TSNARE1: variants seen among roughly 807,000 people sequenced by gnomAD.
The protein encoded by TSNARE1 is t-SNARE domain-containing protein 1.
TSNARE1 carries 49 observed loss-of-function variants against 62.0 expected under a neutral mutation model. That is an observed-to-expected ratio of 0.79 (90% CI 0.63 to 1.00). The LOEUF (loss-of-function observed/expected upper bound fraction) is 1.00. Among genes scored for constraint, TSNARE1 ranks in the 50% least tolerant of loss-of-function variants. The pLI, the probability that TSNARE1 is intolerant of heterozygous loss-of-function variation, is 0.00. For missense variants in TSNARE1, 755 were observed against 700.1 expected (o/e 1.08, Z -0.88); for synonymous variants, 328 against 294.4 (o/e 1.11, Z -1.17).
At chr8:142,250,267 T>A (rs1235802265) in intron 12 of TSNARE1, among the ~76,000 whole-genome samples, 3 of 151,970 alleles carry the variant, frequency 2.0e-5, no homozygotes, top group Non-Finnish European at 4.4e-5. Flanking sequence ...AAATGCAAAT[T>A]TGGGGGACAT....
intron 12 of TSNARE1, among the ~76,000 whole-genome samples, chr8:142,234,470 TG>T (rs1817298967): frequency 7.1e-6 from 1 of 140,264 alleles, no homozygotes; most frequent in Admixed American, 7.0e-5. Context: ...ACCCCAACCA[TG>T]GGTTCAGGGA....
At chr8:142,314,956 G>C in intron 8 of TSNARE1, 47 bp downstream of exon 8, 1 of 1,590,488 alleles carries the variant, frequency 6.3e-7, no homozygotes, top group Non-Finnish European at 8.6e-7. Flanking sequence ...AACCGAGGCC[G>C]ACCCCACCTG....
chr8:142,309,771 G>C (rs571397010), intron 9 of TSNARE1, among the ~76,000 whole-genome samples: 1 of 152,230 alleles, frequency 6.6e-6, no homozygotes, highest in South Asian at 2.1e-4. Flanking sequence ...AGGCAGGCAA[G>C]GTGTGCTTCC....
chr8:142,223,073 CAT>C (rs1441491252), intron 13 of TSNARE1, among the ~76,000 whole-genome samples: 2 of 9,244 alleles, frequency 2.2e-4, no homozygotes, highest in Non-Finnish European at 3.6e-4. Flanking sequence ...CTTACTCGCT[CAT>C]ACTCATTCAC....
At chr8:142,336,890 C>T (rs1354067606) in intron 4 of TSNARE1, among the ~76,000 whole-genome samples, 2 of 152,164 alleles carry the variant, frequency 1.3e-5, no homozygotes, top group Non-Finnish European at 2.9e-5. Flanking sequence ...TCTGAAATTA[C>T]ACAACACACT....
chr8:142,281,942 C>T (rs1322932573), intron 11 of TSNARE1, among the ~76,000 whole-genome samples: 1 of 152,208 alleles, frequency 6.6e-6, no homozygotes, highest in African/African-American at 2.4e-5. Context: ...AAGGGTAGGG[C>T]TTCTCCTGGG....
chr8:142,284,034 T>C (rs904190405), intron 11 of TSNARE1, among the ~76,000 whole-genome samples: 2 of 128,184 alleles, frequency 1.6e-5, no homozygotes, highest in African/African-American at 5.6e-5. Flanking sequence ...TGTCTATCAA[T>C]GAGCGGGTAC....
chr8:142,276,008 C>T, intron 11 of TSNARE1: 1 of 985,418 alleles, frequency 1.0e-6, no homozygotes, highest in Non-Finnish European at 1.2e-6. Context: ...CCTTCAGAAG[C>T]CCCCACCCAG....
At chr8:142,389,341 GA>G (rs1270476236) in intron 1 of TSNARE1, among the ~76,000 whole-genome samples, 1 of 152,178 alleles carries the variant, frequency 6.6e-6, no homozygotes, top group East Asian at 1.9e-4. Flanking sequence ...TCTGGGCAAT[GA>G]TTTTTTTAAT....
In TSNARE1 at chr8:142,291,712, T is replaced by TG. The variant is rs1336159486; in HGVS notation, c.1291-7228dup. ...ATCCTAACGAGAACCCAACAGTGTG[T>TG]GGGGGGCGAGCGTGGGAGCGGCAGG... On this transcript the variant is annotated intron_variant, in intron 10 of 13. Transcript: ENST00000524325. The surrounding 1 kb of genome is among the most constrained non-coding windows in gnomAD (Gnocchi z 4.8). Among the ~76,000 whole-genome samples the TG allele has an allele frequency of 1.3e-5, 2 of 151,978 alleles. No individual in the cohort carries two copies. The highest frequency in any genetic ancestry group is 2.9e-5 in the Non-Finnish European group (2 of 67,986).
chr8:142,319,360 G>A lies in TSNARE1; in HGVS notation c.894-726C>T, dbSNP rs1049329411. Reference sequence around the variant, plus strand: ...ACCTCTGAGGGGCCCCGGGTGAGACGGTTCTCACACCCAGACCCAGGGAGA... The same window carrying A: ...ACCTCTGAGGGGCCCCGGGTGAGACAGTTCTCACACCCAGACCCAGGGAGA... On this transcript the variant is annotated intron_variant, in intron 6 of 13. Transcript: ENST00000524325. This position sits in a 1 kb window ranked among gnomAD's most constrained non-coding sequence, Gnocchi z 4.9. Among the ~76,000 whole-genome samples, 34 of 152,108 alleles carry A rather than the reference G, an allele frequency of 2.2e-4. No individual in the cohort carries two copies. The highest frequency in any genetic ancestry group is 6.7e-4 in the African/African-American group (28 of 41,508).
chr8:142,241,744 G>A (rs965586393), intron 12 of TSNARE1, among the ~76,000 whole-genome samples: 22 of 152,310 alleles, frequency 1.4e-4, no homozygotes, highest in South Asian at 4.1e-4. Context: ...TCACCAATAC[G>A]TCATGGGGAT....
chr8:142,275,494 C>A, intron 11 of TSNARE1: 9 of 985,436 alleles, frequency 9.1e-6, no homozygotes, highest in Non-Finnish European at 1.1e-5. Flanking sequence ...CAGACCAGGG[C>A]CGGGGCAGCC....
At chr8:142,250,701 G>A (rs113386257) in intron 12 of TSNARE1, among the ~76,000 whole-genome samples, 2,972 of 152,330 alleles carry the variant, frequency 0.02, 87 homozygotes, top group African/African-American at 0.061. Flanking sequence ...GCTTGCAGAC[G>A]TGGGGAAGGC....
At chr8:142,222,260 A>AT (rs1563754863) in intron 13 of TSNARE1, among the ~76,000 whole-genome samples, 2,149 of 35,468 alleles carry the variant, frequency 0.061, 239 homozygotes, top group Admixed American at 0.079. Context: ...TCATCCACTC[A>AT]TCCACTCACT....
chr8:142,271,323 G>C, intron 12 of TSNARE1: 1 of 1,140,872 alleles, frequency 8.8e-7, no homozygotes, highest in Non-Finnish European at 1.1e-6. Flanking sequence ...TCGGCCAGCC[G>C]CTGCAGCAGC....
At chr8:142,254,366 C>T (rs371847336) in intron 12 of TSNARE1, among the ~76,000 whole-genome samples, 13 of 152,176 alleles carry the variant, frequency 8.5e-5, no homozygotes, top group South Asian at 6.2e-4. Context: ...AGAAGACATC[C>T]CATCTACCAG....
intron 12 of TSNARE1, among the ~76,000 whole-genome samples, chr8:142,258,007 A>G (rs1367281623): frequency 1.3e-5 from 2 of 152,176 alleles, no homozygotes; most frequent in Non-Finnish European, 2.9e-5. Flanking sequence ...GCTCACACAC[A>G]CACACCTGTG....
intron 12 of TSNARE1, among the ~76,000 whole-genome samples, chr8:142,232,700 C>T (rs759986709): frequency 2.0e-5 from 3 of 152,232 alleles, no homozygotes; most frequent in Non-Finnish European, 2.9e-5. Flanking sequence ...ACCAAGCCAC[C>T]GCTCCGTATC....
Sources: allele counts gnomAD v4.1 joint callset (sites outside exome capture counted in the v4.1 genomes callset), GRCh38; gene constraint gnomAD v4.1.1; non-coding constraint Gnocchi (gnomAD v3.1); transcripts MANE v1.5; gene names NCBI Gene and HGNC (gene_info 2026-07-23, HGNC 2026-07-21).